Variants in MEF2A observed in about 807,000 individuals in gnomAD.
The protein encoded by MEF2A is myocyte enhancer factor 2A.
MEF2A carries 28 observed loss-of-function variants against 55.8 expected under a neutral mutation model. The ratio of observed to expected loss-of-function variants is 0.50; its 90% CI spans 0.37 to 0.69. MEF2A has a LOEUF of 0.69. MEF2A is among the 30% of genes least tolerant of loss of function. The probability of loss-of-function intolerance (pLI) is 0.00; values close to 1 mark genes in which losing one functional copy is unlikely to be tolerated. For missense variants in MEF2A, 528 were observed against 626.2 expected, an observed-to-expected ratio of 0.84 and a Z score of 1.67; for synonymous variants, 239 against 227.1, an observed-to-expected ratio of 1.05 and a Z score of -0.47.
chr15:99,661,399 A>G (rs977678109), intron 4 of MEF2A, among the ~76,000 whole-genome samples: 24 of 150,830 alleles, frequency 1.6e-4, no homozygotes, highest in African/African-American at 5.8e-4. Flanking sequence ...AGAACTCTGC[A>G]TCCAAAGATA....
At chr15:99,590,704 C>T (rs1254823949) in intron 1 of MEF2A, among the ~76,000 whole-genome samples, 1 of 151,636 alleles carries the variant, frequency 6.6e-6, no homozygotes, top group African/African-American at 2.4e-5. Context: ...TTGAACTTAT[C>T]GCAATCCACC....
At chr15:99,592,043 T>A (rs930220802) in intron 1 of MEF2A, among the ~76,000 whole-genome samples, 2 of 152,204 alleles carry the variant, frequency 1.3e-5, no homozygotes, top group Non-Finnish European at 2.9e-5. Context: ...ATCACACTGT[T>A]GTCTGGATTT....
intron 3 of MEF2A, among the ~76,000 whole-genome samples, chr15:99,637,792 G>A (rs370999992): frequency 4.4e-4 from 67 of 152,124 alleles, no homozygotes; most frequent in African/African-American, 1.6e-3. Flanking sequence ...ACAGGCGCCT[G>A]CCACCACGCC....
intron 4 of MEF2A, among the ~76,000 whole-genome samples, chr15:99,664,476 A>C (rs533676539): frequency 2.6e-5 from 4 of 152,358 alleles, no homozygotes; most frequent in African/African-American, 9.6e-5. Context: ...GAATTGATTT[A>C]AAACAGGTGA....
intron 1 of MEF2A, among the ~76,000 whole-genome samples, chr15:99,597,750 C>T (rs1971715745): frequency 6.6e-6 from 1 of 152,078 alleles, no homozygotes; most frequent in South Asian, 2.1e-4. Context: ...GTACTCTGTC[C>T]CTTTATTTCT....
intron 8 of MEF2A, chr15:99,690,679 G>C (rs1228562459): frequency 3.5e-6 from 2 of 578,792 alleles, no homozygotes; most frequent in Non-Finnish European, 6.5e-6. Flanking sequence ...GGAGGTTATT[G>C]TGTTAAGTGA....
Position 99,633,045 on chromosome 15 carries a change from C to A in MEF2A, c.-75C>A. The A allele has an allele frequency of 8.3e-7, 1 of 1,208,058 alleles. No individual in the cohort carries two copies. Among genetic ancestry groups the A allele is most frequent in the Non-Finnish European group, 1.2e-6 (1 of 839,990 alleles). The allele number at this position is 1,208,058 out of a possible 1,614,324, so 74.8% of individuals were successfully genotyped here. A position where few individuals can be genotyped will look rare whatever the true frequency, so the allele number is the denominator to read the frequency against. On this transcript the variant is annotated 5_prime_UTR_variant, in exon 3 of 12. Coordinates refer to ENST00000557942, the MANE Select transcript of MEF2A (RefSeq NM_001319206.4). ...GAAATAACAGAAGCTGTGTACGATG[C>A]ATTAGGGTATTGAAGAAAATTAACT...
intron 8 of MEF2A, among the ~76,000 whole-genome samples, chr15:99,691,938 A>G (rs1439397676): frequency 1.3e-5 from 2 of 152,146 alleles, no homozygotes; most frequent in Non-Finnish European, 2.9e-5. Context: ...AGGAGAATCT[A>G]TTTATCGCCC....
At chr15:99,630,973 G>A (rs533565155) in intron 2 of MEF2A, among the ~76,000 whole-genome samples, 2 of 152,168 alleles carry the variant, frequency 1.3e-5, no homozygotes, top group African/African-American at 2.4e-5. Flanking sequence ...AGGCAGATGA[G>A]TCCAGAGACT....
At chr15:99,577,103 T>C (rs1567146716) in intron 1 of MEF2A, among the ~76,000 whole-genome samples, 1 of 152,282 alleles carries the variant, frequency 6.6e-6, no homozygotes, top group South Asian at 2.1e-4. Flanking sequence ...ACTTTAATTA[T>C]ACAATGATAT....
intron 2 of MEF2A, among the ~76,000 whole-genome samples, chr15:99,610,371 AT>A (rs1976713050): frequency 6.7e-6 from 1 of 149,170 alleles, no homozygotes; most frequent in East Asian, 2.0e-4. Context: ...TAATCAACAT[AT>A]TTAACACAAT....
At chr15:99,576,117 G>T (rs1352342057) in intron 1 of MEF2A, among the ~76,000 whole-genome samples, 1 of 152,192 alleles carries the variant, frequency 6.6e-6, no homozygotes, top group Non-Finnish European at 1.5e-5. Flanking sequence ...TTAGAAACCA[G>T]AAACCAGGCA....
At chr15:99,585,450 A>T (rs1226258226) in intron 1 of MEF2A, among the ~76,000 whole-genome samples, 1 of 152,198 alleles carries the variant, frequency 6.6e-6, no homozygotes, top group Non-Finnish European at 1.5e-5. Context: ...TTTTGAAATA[A>T]ATCTGTTCTT....
At chr15:99,622,681 TTC>T (rs1162639073) in intron 2 of MEF2A, among the ~76,000 whole-genome samples, 1 of 150,264 alleles carries the variant, frequency 6.7e-6, no homozygotes, top group Non-Finnish European at 1.5e-5. Context: ...ACCACCATCC[TTC>T]TTTAGGATGT....
intron 1 of MEF2A, among the ~76,000 whole-genome samples, chr15:99,589,579 A>G (rs1253779645): frequency 6.6e-6 from 1 of 152,076 alleles, no homozygotes; most frequent in Non-Finnish European, 1.5e-5. Flanking sequence ...TTAGGGTGGA[A>G]GTTTGGAACG....
At chr15:99,667,709 G>C (rs917679000) in intron 4 of MEF2A, among the ~76,000 whole-genome samples, 1 of 151,786 alleles carries the variant, frequency 6.6e-6, no homozygotes, top group Non-Finnish European at 1.5e-5. Flanking sequence ...CTCTTCCACA[G>C]TTGAGAGAGG....
At chr15:99,581,710 A>T (rs1359716895) in intron 1 of MEF2A, among the ~76,000 whole-genome samples, 1 of 152,068 alleles carries the variant, frequency 6.6e-6, no homozygotes, top group Non-Finnish European at 1.5e-5. Flanking sequence ...TGCTTCTAGG[A>T]GGTAATGGTT....
Position 99,690,426 on chromosome 15 carries a change from C to G in MEF2A, c.856C>G (p.Leu286Val). 1 of 1,588,906 alleles carries G rather than the reference C, an allele frequency of 6.3e-7. No individual in the cohort carries two copies. The highest frequency in any genetic ancestry group is 8.6e-7 in the Non-Finnish European group (1 of 1,166,646). Residue 286 changes from leucine to valine, a missense_variant and splice_region_variant, in exon 8 of 12, where the codon CTA becomes GTA. Leu to Val is a conservative substitution (Grantham distance 32). This residue lies in a region of MEF2A where 450 missense variants were observed against 475.3 expected (regional missense o/e 0.95). Coordinates refer to ENST00000557942, the MANE Select transcript of MEF2A (RefSeq NM_001319206.4). ...TTCAAGCAAGGGCATGATGCCTCCA[C>G]TAGTAAGTTGAACCTTTCTTCAACT... is the stretch of plus-strand genomic sequence containing the variant. ...PPSSKGMMPPLSEEEELELNT... is the reference protein window; with the variant it reads ...PPSSKGMMPPVSEEEELELNT...
intron 7 of MEF2A, among the ~76,000 whole-genome samples, chr15:99,676,824 C>A (rs1053433382): frequency 2.6e-5 from 4 of 152,048 alleles, no homozygotes; most frequent in Non-Finnish European, 5.9e-5. Flanking sequence ...CCTGCCTTGA[C>A]CTCCCAAAAG....
Sources: gnomAD v4.1 joint callset for allele counts (sites outside exome capture counted in the v4.1 genomes callset) on GRCh38, gnomAD v4.1.1 for gene constraint, gnomAD v4.1.1 regional missense constraint, MANE v1.5 for transcripts, NCBI Gene and HGNC (gene_info 2026-07-23, HGNC 2026-07-21) for gene names.